CRBN: variants seen among roughly 807,000 people sequenced by gnomAD.
The protein encoded by CRBN is protein cereblon.
CRBN carries 53 observed loss-of-function variants against 62.2 expected under a neutral mutation model. The observed-to-expected ratio is 0.85, with a 90% CI of 0.68 to 1.07. The LOEUF is 1.07. Ranked by LOEUF, CRBN falls within the 50% of genes least tolerant of loss-of-function variation. CRBN has a pLI of 0.00. For synonymous variants in CRBN, 208 were observed against 176.1 expected (o/e 1.18, Z -1.43); for missense variants, 616 against 531.1 (o/e 1.16, Z -1.57).
chr3:3,154,632 A>G, intron 7 of CRBN, 115 bp downstream of exon 7: 1 of 695,218 alleles, frequency 1.4e-6, no homozygotes, highest in Non-Finnish European at 2.6e-6. Context: ...TTTCAGAATT[A>G]AAATGTTTTA....
intron 5 of CRBN, among the ~76,000 whole-genome samples, chr3:3,159,444 G>A (rs1463331432): frequency 6.6e-6 from 1 of 152,152 alleles, no homozygotes; most frequent in South Asian, 2.1e-4. Flanking sequence ...ATGTAAAAAA[G>A]TGTAGTACAA....
At position 3,167,792 on chromosome 3, in the gene CRBN, T is replaced by G; in HGVS notation, c.529A>C (p.Ile177Leu). Residue 177 changes from isoleucine (I) to leucine (L), a missense_variant and splice_region_variant, in exon 5 of 11, where the codon ATC becomes CTC. Physicochemically the swap from Ile to Leu is conservative, Grantham distance 5. Transcript: ENST00000231948. The stretch of plus-strand genomic sequence containing the variant: ...AGAATTTGCACTTTAGCTTGCTGGA[T>G]TCTAAAATAAAGAGAACCAAGCATG... ...VLELRTQSDGIQQAKVQILPE... is the reference protein window; with the variant it reads ...VLELRTQSDGLQQAKVQILPE... The G allele has an allele frequency of 6.2e-7, 1 of 1,613,378 alleles. No homozygotes were observed. The highest frequency in any genetic ancestry group is 1.1e-5 in the South Asian group (1 of 91,066).
Position 3,171,497 on chromosome 3 carries a change from T to C in CRBN, c.527+1279A>G, listed in dbSNP as rs936995797. On this transcript the variant is annotated intron_variant, in intron 4 of 10. Coordinates refer to ENST00000231948, the MANE Select transcript of CRBN (RefSeq NM_016302.4). ...TCATTGTTCTCAAGCAGCTTATCTA[T>C]TGAGGGAGACGTACATAAAATCCTG... 3.9e-5 allele frequency among the ~76,000 whole-genome samples: 6 copies of C among 152,016 alleles called. No homozygotes were observed. The East Asian group carries it at 7.8e-4, about 20-fold the overall frequency.
chr3:3,153,653 G>T (rs902227431), intron 8 of CRBN, 165 bp from the exon 9 acceptor site: 2 of 639,874 alleles, frequency 3.1e-6, no homozygotes, highest in Non-Finnish European at 5.7e-6. Context: ...GAGCACGAAA[G>T]TCACTGAAAC....
At chr3:3,173,221 C>T (rs1707697601) in intron 3 of CRBN, among the ~76,000 whole-genome samples, 1 of 151,974 alleles carries the variant, frequency 6.6e-6, no homozygotes, top group East Asian at 1.9e-4. Context: ...CCACGCCTGG[C>T]TAATTTTTGT....
intron 5 of CRBN, among the ~76,000 whole-genome samples, chr3:3,163,867 C>G (rs1707230470): frequency 6.6e-6 from 1 of 152,304 alleles, no homozygotes; most frequent in Admixed American, 6.5e-5. Flanking sequence ...CTGTTTCAAG[C>G]AAGTCTATCA....
At chr3:3,172,491 A>C (rs1049627668) in intron 4 of CRBN, 4 of 426,908 alleles carry the variant, frequency 9.4e-6, no homozygotes, top group African/African-American at 4.0e-5. Context: ...AAACCTGGAG[A>C]GACATTAGAA....
chr3:3,154,191 A>G (rs1372862006), intron 7 of CRBN, 116 bp from the exon 8 acceptor site: 3 of 711,006 alleles, frequency 4.2e-6, no homozygotes, highest in Admixed American at 4.1e-5. Flanking sequence ...TACACATTTT[A>G]TACAAGTATA....
Position 3,175,331 on chromosome 3 carries a change from A to C in CRBN, c.68-62T>G, listed in dbSNP as rs1302520119. 2.5e-6 allele frequency: 3 copies of C among 1,218,730 alleles called. No individual in the cohort carries two copies. In the African/African-American group the frequency reaches 4.5e-5, roughly 18 times the overall value. The allele number at this position is 1,218,730 out of a possible 1,614,324, so 75.5% of individuals were successfully genotyped here. A position where few individuals can be genotyped will look rare whatever the true frequency, so the allele number is the denominator to read the frequency against. ...TGAATGAAAACCTTTCAAACATGTA[A>C]TTCCTTCTTCAAAAGAGGGGTACTT... On this transcript the variant is annotated intron_variant, in intron 1 of 10. Transcript: ENST00000231948.
intron 5 of CRBN, among the ~76,000 whole-genome samples, chr3:3,158,793 C>CT (rs1559246674): frequency 6.6e-6 from 1 of 152,212 alleles, no homozygotes; most frequent in Non-Finnish European, 1.5e-5. Flanking sequence ...GAGTCTGACT[C>CT]TAACCATCAT....
chr3:3,178,904 G>A (rs377032700), intron 1 of CRBN, among the ~76,000 whole-genome samples: 15 of 150,424 alleles, frequency 1.0e-4, no homozygotes, highest in African/African-American at 3.2e-4. Context: ...TTTTTGTTCA[G>A]TATTTCAACA....
At chr3:3,161,415 C>T (rs1172292634) in intron 5 of CRBN, among the ~76,000 whole-genome samples, 1 of 152,076 alleles carries the variant, frequency 6.6e-6, no homozygotes, top group African/African-American at 2.4e-5. Context: ...CATTGCCTGT[C>T]AGGCCATGAT....
At chr3:3,162,225 G>C (rs1410004575) in intron 5 of CRBN, among the ~76,000 whole-genome samples, 1 of 152,132 alleles carries the variant, frequency 6.6e-6, no homozygotes, top group East Asian at 1.9e-4. Context: ...AGTAAGCCTT[G>C]ATATATGAAT....
rs1575080689 is a variant in CRBN, at chr3:3,153,468, T to A, written c.972A>T (p.Lys324Asn). The change falls in exon 9 of 11, where the codon AAA becomes AAT. Residue 324 changes from lysine to asparagine, a missense_variant. Coordinates refer to ENST00000231948, the MANE Select transcript of CRBN (RefSeq NM_016302.4). ...IMNKCTSLCC[K>N]QCQETEITTK... ...TTGTTATTTCTGTTTCTTGACATTG[T>A]TTACAGCAAAGGGAAGTACACTAAA... The A allele has an allele frequency of 6.3e-7, 1 of 1,580,650 alleles. No homozygotes were observed. Among genetic ancestry groups the A allele is most frequent in the Non-Finnish European group, 8.7e-7 (1 of 1,149,776 alleles).
chr3:3,159,908 T>C (rs1707066481), intron 5 of CRBN, among the ~76,000 whole-genome samples: 1 of 152,220 alleles, frequency 6.6e-6, no homozygotes, highest in South Asian at 2.1e-4. Flanking sequence ...TCTAGCAATT[T>C]ATAGGCATTC....
At chr3:3,179,549 G>A (rs940789376) in intron 1 of CRBN, 72 bp downstream of exon 1, 8 of 1,482,170 alleles carry the variant, frequency 5.4e-6, no homozygotes, top group Non-Finnish European at 7.5e-6. Context: ...CGCCTCCCAG[G>A]CCCAGCTGCA....
At chr3:3,159,041 G>C (rs1707028737) in intron 5 of CRBN, among the ~76,000 whole-genome samples, 1 of 152,170 alleles carries the variant, frequency 6.6e-6, no homozygotes, top group Admixed American at 6.5e-5. Context: ...CTGCCATCAT[G>C]TGAAGAAGAA....
chr3:3,164,832 ATT>A (rs1308756964), intron 5 of CRBN, among the ~76,000 whole-genome samples: 1 of 152,216 alleles, frequency 6.6e-6, no homozygotes, highest in East Asian at 1.9e-4. Flanking sequence ...TTCAAATCTT[ATT>A]ATTTAAGAAA....
chr3:3,151,025 T>C lies in CRBN; in HGVS notation c.1169A>G (p.Gln390Arg), dbSNP rs1388890404. Residue 390 changes from glutamine (Q) to arginine (R), a missense_variant, in exon 11 of 11, where the codon CAG becomes CGG. By Grantham distance (43) the Gln-to-Arg change is conservative. Transcript: ENST00000231948. ...WFPGYAWTVAQCKICASHIGW... is the reference protein window; with the variant it reads ...WFPGYAWTVARCKICASHIGW... The stretch of plus-strand genomic sequence containing the variant: ...AATATGGCTTGCACAGATCTTACAC[T>C]GGGCAACAGTCCAGGCATACCTAAG... The C allele has an allele frequency of 6.2e-7, 1 of 1,613,882 alleles. No homozygotes were observed.
Sources: allele counts gnomAD v4.1 joint callset (sites outside exome capture counted in the v4.1 genomes callset), GRCh38; gene constraint gnomAD v4.1.1; transcripts MANE v1.5; gene names NCBI Gene and HGNC (gene_info 2026-07-23, HGNC 2026-07-21).